Variants in CACNA1E observed in about 807,000 individuals in gnomAD.
The protein encoded by CACNA1E is calcium voltage-gated channel subunit alpha1 E, also known as voltage-dependent R-type calcium channel subunit alpha-1E.
In CACNA1E, 40 loss-of-function variants were observed where a neutral mutation model predicts 259.2. That is an observed-to-expected ratio of 0.15 (90% CI 0.12 to 0.20). The LOEUF is 0.20. Ranked by LOEUF, CACNA1E falls within the 10% of genes least tolerant of loss-of-function variation. The pLI is 1.00. For synonymous variants in CACNA1E, 1,104 were observed against 1,138.5 expected (o/e 0.97, Z 0.61); for missense variants, 1,874 against 3,040.1 (o/e 0.62, Z 9.02).
At chr1:181,523,183 T>A (rs1667116133) in intron 3 of CACNA1E, among the ~76,000 whole-genome samples, 1 of 152,176 alleles carries the variant, frequency 6.6e-6, no homozygotes, top group Non-Finnish European at 1.5e-5. Context: ...CTACTGGGAA[T>A]CTGATCAGGT....
intron 3 of CACNA1E, among the ~76,000 whole-genome samples, chr1:181,547,869 A>T (rs901509606): frequency 1.3e-5 from 2 of 152,208 alleles, no homozygotes; most frequent in African/African-American, 4.8e-5. Context: ...TAGAAGTAAA[A>T]ACTGTCTTAA....
rs556292815 is a variant in CACNA1E, at chr1:181,732,643, G to A, written c.2557G>A (p.Gly853Arg). 25 of 1,504,126 alleles carry A rather than the reference G, an allele frequency of 1.7e-5. No homozygotes were observed. In the African/African-American group the frequency reaches 3.1e-4, roughly 19 times the overall value. The allele number at this position is 1,504,126 out of a possible 1,614,324, so 93.2% of individuals were successfully genotyped here. Reference sequence around the variant, plus strand: ...GTTCGAGGAGGAGCGCATCAGCCGTGGGGGGTCCCTCAAGGGGGATGGAGG... The same window carrying A: ...GTTCGAGGAGGAGCGCATCAGCCGTAGGGGGTCCCTCAAGGGGGATGGAGG... ...EKFEEERISR[G>R]GSLKGDGGDR... Residue 853 changes from glycine to arginine, a missense_variant, in exon 20 of 48, where the codon GGG (glycine) becomes AGG (arginine). Transcript: ENST00000367573. This position sits in a 1 kb window ranked among gnomAD's most constrained non-coding sequence, Gnocchi z 5.5.
At chr1:181,438,541 G>A (rs1235161149) in intron 2 of CACNA1E, among the ~76,000 whole-genome samples, 1 of 152,108 alleles carries the variant, frequency 6.6e-6, no homozygotes, top group South Asian at 2.1e-4. Context: ...CATCAGGTGG[G>A]GAGTGGGAAA....
At chr1:181,680,034 G>T (rs1649778751) in intron 7 of CACNA1E, among the ~76,000 whole-genome samples, 1 of 143,502 alleles carries the variant, frequency 7.0e-6, no homozygotes, top group Non-Finnish European at 1.5e-5. Context: ...GGTTGCTTGA[G>T]CCCAGGAGTT....
intron 6 of CACNA1E, among the ~76,000 whole-genome samples, chr1:181,593,818 T>TCCAAG: frequency 6.6e-6 from 1 of 152,314 alleles, no homozygotes; most frequent in Admixed American, 6.5e-5. Flanking sequence ...ATTACAGGTG[T>TCCAAG]GAGCTACCAT....
intron 6 of CACNA1E, among the ~76,000 whole-genome samples, chr1:181,641,709 T>G (rs111393288): frequency 3.2e-3 from 180 of 56,130 alleles, no homozygotes; most frequent in African/African-American, 7.0e-3. Context: ...TTTTGTTTTT[T>G]TTTTTTTTTT....
At chr1:181,780,343 C>T (rs1660317306) in intron 38 of CACNA1E, among the ~76,000 whole-genome samples, 1 of 152,190 alleles carries the variant, frequency 6.6e-6, no homozygotes. Flanking sequence ...TAGGACCTCC[C>T]TGCTCAAATC....
intron 3 of CACNA1E, among the ~76,000 whole-genome samples, chr1:181,517,803 A>G (rs59827285): frequency 0.28 from 43,198 of 152,032 alleles, 7,671 homozygotes; most frequent in African/African-American, 0.5. Flanking sequence ...TTTTCTGTAA[A>G]GAGGCTGCCC....
intron 7 of CACNA1E, among the ~76,000 whole-genome samples, chr1:181,692,540 T>G (rs1321347912): frequency 6.6e-6 from 1 of 152,114 alleles, no homozygotes; most frequent in Non-Finnish European, 1.5e-5. Flanking sequence ...TTGACAGAAT[T>G]AAGCAATGGG....
In CACNA1E at chr1:181,396,715, A is replaced by C. The variant is rs576023234; in HGVS notation, c.-14-16418A>C. On this transcript the variant is annotated intron_variant, in intron 1 of 11. Coordinates refer to the CACNA1E transcript ENST00000524607. ...CTGGTCCTGAGTAGAACAATGTGGA[A>C]TAACATAGAAACAGAGATTCCCTCA... Among the ~76,000 whole-genome samples the C allele has an allele frequency of 2.7e-4, 41 of 152,362 alleles. 1 individual carries two copies. The highest frequency in any genetic ancestry group is 9.9e-4 in the African/African-American group (41 of 41,584).
intron 6 of CACNA1E, among the ~76,000 whole-genome samples, chr1:181,639,354 C>T (rs1419276029): frequency 6.6e-6 from 1 of 152,208 alleles, no homozygotes; most frequent in East Asian, 1.9e-4. Flanking sequence ...TACCAAAGTG[C>T]TGGGATTACA....
intron 1 of CACNA1E, among the ~76,000 whole-genome samples, chr1:181,333,742 G>A (rs1281344221): frequency 6.6e-6 from 1 of 151,572 alleles, no homozygotes; most frequent in African/African-American, 2.4e-5. Flanking sequence ...TGCAACCTCT[G>A]CCTCCCAGGC....
At chr1:181,350,951 A>G (rs1652999910) in intron 1 of CACNA1E, among the ~76,000 whole-genome samples, 1 of 152,212 alleles carries the variant, frequency 6.6e-6, no homozygotes, top group African/African-American at 2.4e-5. Context: ...AAGGCAAACA[A>G]GTAAATGAGC....
At chr1:181,437,133 C>G (rs1480141666) in intron 2 of CACNA1E, among the ~76,000 whole-genome samples, 2 of 152,238 alleles carry the variant, frequency 1.3e-5, no homozygotes, top group East Asian at 1.9e-4. Flanking sequence ...AGAGGCTTCT[C>G]TGACATGTGG....
At chr1:181,321,789 T>G (rs550162515) in intron 1 of CACNA1E, among the ~76,000 whole-genome samples, 1 of 152,248 alleles carries the variant, frequency 6.6e-6, no homozygotes, top group African/African-American at 2.4e-5. Context: ...GAGTACTGCG[T>G]GGGAGACTTC....
At chr1:181,361,660 T>A (rs1289794171) in intron 1 of CACNA1E, among the ~76,000 whole-genome samples, 1 of 152,184 alleles carries the variant, frequency 6.6e-6, no homozygotes, top group Non-Finnish European at 1.5e-5. Flanking sequence ...CCTGTTCCCC[T>A]CCTACAGGTG....
intron 3 of CACNA1E, among the ~76,000 whole-genome samples, chr1:181,531,796 T>A (rs141956977): frequency 0.032 from 4,876 of 152,300 alleles, 272 homozygotes; most frequent in African/African-American, 0.11. Flanking sequence ...GGCTCACGCC[T>A]GCAATCCCAG....
At chr1:181,365,812 T>C (rs1359217726) in intron 1 of CACNA1E, among the ~76,000 whole-genome samples, 2 of 152,168 alleles carry the variant, frequency 1.3e-5, no homozygotes, top group African/African-American at 2.4e-5. Flanking sequence ...GCACAGTTGG[T>C]AGTCTTTTAA....
At chr1:181,721,279 A>C (rs1283880789) in intron 15 of CACNA1E, among the ~76,000 whole-genome samples, 1 of 152,112 alleles carries the variant, frequency 6.6e-6, no homozygotes, top group African/African-American at 2.4e-5. Flanking sequence ...CATGGGGAAA[A>C]CTCAAAATCA....
Sources: gnomAD v4.1 joint callset for allele counts (sites outside exome capture counted in the v4.1 genomes callset) on GRCh38, gnomAD v4.1.1 for gene constraint, Gnocchi (gnomAD v3.1) non-coding constraint, MANE v1.5 for transcripts, NCBI Gene and HGNC (gene_info 2026-07-23, HGNC 2026-07-21) for gene names.